The following CHST15 variants were observed in gnomAD, a reference collection of about 807,000 sequenced individuals.
CHST15 encodes the protein B cell RAG associated protein (GALNAC4S-6ST).
In CHST15, 30 loss-of-function variants were observed where a neutral mutation model predicts 53.6. The observed-to-expected ratio is 0.56, with a 90% CI of 0.42 to 0.76. The LOEUF is 0.76. Among genes scored for constraint, CHST15 ranks in the 30% least tolerant of loss-of-function variants. CHST15 has a pLI of 0.00. For missense variants in CHST15, 627 were observed against 740.5 expected (o/e 0.85, Z 1.78); for synonymous variants, 296 against 289.8 (o/e 1.02, Z -0.22).
Position 124,010,212 on chromosome 10 carries a change from C to G in CHST15, c.1623G>C (p.Arg541Ser), listed in dbSNP as rs61740008. 6.2e-7 allele frequency: 1 copy of G among 1,614,060 alleles called. No homozygotes were observed. Residue 541 changes from arginine to serine, a missense_variant, in exon 8 of 8, where the codon AGG becomes AGC. Physicochemically the swap from Arg to Ser is moderately radical, Grantham distance 110 (BLOSUM62 -1). This residue lies in a region of CHST15 where 279 missense variants were observed against 371.6 expected (regional missense o/e 0.75). Coordinates refer to ENST00000435907, the MANE Select transcript of CHST15 (RefSeq NM_001270764.2). ...ITQKILRDFY[R>S]PFNARLAQVL... ...CCTGCGCCAGCCTAGCGTTGAAGGG[C>G]CTGTAGAAATCCCGCAGAATCTTCT...
rs1299186980 is a variant in CHST15 at position 124,044,801 on chromosome 10, G to A, written c.665C>T (p.Ser222Phe). 2.5e-6 allele frequency: 4 copies of A among 1,605,080 alleles called. No individual in the cohort carries two copies. The highest frequency in any genetic ancestry group is 2.7e-5 in the African/African-American group (2 of 74,678). Residue 222 changes from serine (S) to phenylalanine (F), a missense_variant, in exon 3 of 8, where the codon TCC becomes TTC. By Grantham distance (155) the Ser-to-Phe change is radical. This residue lies in a region of CHST15 where 161 missense variants were observed against 117.2 expected (regional missense o/e 1.37). Coordinates refer to ENST00000435907, the MANE Select transcript of CHST15 (RefSeq NM_001270764.2). ...GTCGAAGGTGGAGCGGAAGCGCTTG[G>A]AGTAGAGCACGTAGGAGTTGGTGAG... ...PYLTNSYVLY[S>F]KRFRSTFDAL...
rs376174591 is a variant in CHST15, at chr10:124,008,344, TACACAC to T, written c.*1799_*1804del. ...AGACGCACTCACCCACACGTGCGCG[TACACAC>T]ACACACACGCGCGCACTGTACTGCA... On this transcript the variant is annotated 3_prime_UTR_variant, in exon 8 of 8. Transcript: ENST00000435907. 9.5e-7 allele frequency: 1 copy of T among 1,054,542 alleles called. No homozygotes were observed. 65.3% of individuals were successfully genotyped at this position (1,054,542 alleles called of 1,614,324 possible). A position where few individuals can be genotyped will look rare whatever the true frequency, so the allele number is the denominator to read the frequency against.
chr10:124,015,766 G>T (rs1946566220), intron 6 of CHST15, among the ~76,000 whole-genome samples: 1 of 152,256 alleles, frequency 6.6e-6, no homozygotes, highest in African/African-American at 2.4e-5. Context: ...ATCTCATGGA[G>T]ACAGAGCTCA....
chr10:124,038,355 C>T (rs374461429), intron 5 of CHST15, among the ~76,000 whole-genome samples, 160 bp downstream of exon 5: 1 of 152,142 alleles, frequency 6.6e-6, no homozygotes, highest in African/African-American at 2.4e-5. Context: ...ATCCACCCAC[C>T]CCGGCCTCCC....
chr10:124,034,704 A>G (rs1947368246), intron 5 of CHST15, among the ~76,000 whole-genome samples: 1 of 137,782 alleles, frequency 7.3e-6, no homozygotes, highest in Non-Finnish European at 1.6e-5. Context: ...TCCACCCCCT[A>G]ACAGGGACCC....
At position 124,009,698 on chromosome 10, in the gene CHST15, C is replaced by A; in HGVS notation, c.*451G>T. ...AGACAGTCTGTGCAACACGGCGAGA[C>A]CCCATCTCTAGGGGGAAAAAAAGGG... On this transcript the variant is annotated 3_prime_UTR_variant, in exon 8 of 8. Coordinates refer to ENST00000435907, the MANE Select transcript of CHST15 (RefSeq NM_001270764.2). 1 of 1,021,588 alleles carries A rather than the reference C, an allele frequency of 9.8e-7. No individual in the cohort carries two copies. 63.3% of individuals were successfully genotyped at this position (1,021,588 alleles called of 1,614,324 possible).
At chr10:124,044,429 C>T in intron 3 of CHST15, 151 bp downstream of exon 3, 1 of 631,316 alleles carries the variant, frequency 1.6e-6, no homozygotes, top group Non-Finnish European at 2.6e-6. Context: ...CCAGACCCTG[C>T]TGGGTCTTTG....
chr10:124,065,089 A>T (rs1046429054), intron 1 of CHST15, among the ~76,000 whole-genome samples: 2 of 152,218 alleles, frequency 1.3e-5, no homozygotes, highest in African/African-American at 4.8e-5. Context: ...GCGGGGGTTA[A>T]ATTTAAAATT....
At position 124,080,400 on chromosome 10, in the gene CHST15, C is replaced by T. The variant is rs149201170; in HGVS notation, c.-513+13069G>A. 1.4e-4 allele frequency among the ~76,000 whole-genome samples: 22 copies of T among 152,322 alleles called. 1 individual carries two copies. The East Asian group carries it at 4.2e-3, about 29-fold the overall frequency. On this transcript the variant is annotated intron_variant, in intron 1 of 7. Coordinates refer to ENST00000435907, the MANE Select transcript of CHST15 (RefSeq NM_001270764.2). ...TGTCACCTTTGTGGAAAGGCCTTTC[C>T]CGCACACCAGCTGGTCACTCCAGCA...
At chr10:124,045,129 A>AAAAAAAAAAAAAAAAAC (rs1947936064) in intron 2 of CHST15, among the ~76,000 whole-genome samples, 1 of 148,184 alleles carries the variant, frequency 6.7e-6, no homozygotes, top group African/African-American at 2.5e-5. Flanking sequence ...AAAAAAAAAA[A>AAAAAAAAAAAAAAAAAC]AAAAAAAAAA....
intron 1 of CHST15, among the ~76,000 whole-genome samples, chr10:124,056,269 C>G (rs1219771422): frequency 2.0e-5 from 3 of 152,176 alleles, no homozygotes; most frequent in Admixed American, 2.0e-4. Context: ...TACAGATTTG[C>G]AGTCTCACCC....
chr10:124,089,938 A>G (rs1949556848), intron 1 of CHST15, among the ~76,000 whole-genome samples: 1 of 152,224 alleles, frequency 6.6e-6, no homozygotes, highest in East Asian at 1.9e-4. Context: ...ATGACTTTCT[A>G]CATCATGGCA....
intron 6 of CHST15, chr10:124,020,453 C>A (rs1946733643): frequency 2.0e-6 from 2 of 985,416 alleles, no homozygotes; most frequent in Non-Finnish European, 2.4e-6. Context: ...GCTGCCCCTG[C>A]ATGCTGCCTC....
At chr10:124,050,235 G>A (rs942193926) in intron 1 of CHST15, among the ~76,000 whole-genome samples, 2 of 152,288 alleles carry the variant, frequency 1.3e-5, no homozygotes, top group African/African-American at 4.8e-5. Flanking sequence ...TGACGGGCGC[G>A]AGTGGTGCAG....
At position 124,029,501 on chromosome 10, in the gene CHST15, C is replaced by T. The variant is rs554754481; in HGVS notation, c.1191-8089G>A. On this transcript the variant is annotated intron_variant, in intron 5 of 7. Transcript: ENST00000435907. ...GGTTCCCAGCCCCTCTTTGTTCCTT[C>T]CAGAGCATCCAATCACAGGGCCCCG... 3.3e-5 allele frequency among the ~76,000 whole-genome samples: 5 copies of T among 152,324 alleles called. No individual in the cohort carries two copies. In the South Asian group the frequency reaches 6.2e-4, roughly 19 times the overall value.
chr10:124,033,248 T>C (rs1947297326), intron 5 of CHST15, among the ~76,000 whole-genome samples: 1 of 152,238 alleles, frequency 6.6e-6, no homozygotes, highest in Non-Finnish European at 1.5e-5. Flanking sequence ...GAAATTCCTA[T>C]TGTTACTTAT....
chr10:124,080,369 C>T (rs1373449907), intron 1 of CHST15, among the ~76,000 whole-genome samples: 1 of 152,226 alleles, frequency 6.6e-6, no homozygotes, highest in Admixed American at 6.5e-5. Context: ...CAAGAATCAA[C>T]GGAGATGTCA....
intron 7 of CHST15, among the ~76,000 whole-genome samples, 199 bp downstream of exon 7, chr10:124,012,134 C>T (rs1946434118): frequency 6.6e-6 from 1 of 152,192 alleles, no homozygotes; most frequent in Non-Finnish European, 1.5e-5. Context: ...GAATCCCTCA[C>T]CATACTGTGC....
rs138800721 is a variant in CHST15, at chr10:124,047,412, A to C, written c.-512-688T>G. Among the ~76,000 whole-genome samples, 964 of 152,370 alleles carry C rather than the reference A, an allele frequency of 6.3e-3. 8 individuals carry two copies. Among genetic ancestry groups the C allele is most frequent in the African/African-American group, 0.022 (929 of 41,588 alleles). On this transcript the variant is annotated intron_variant, in intron 1 of 7. Transcript: ENST00000435907. ...CCCTCGAGTGACACAGAGCTTCAGA[A>C]CCTGACATAATTTTTCACTTTCATC...
Sources: allele counts gnomAD v4.1 joint callset (sites outside exome capture counted in the v4.1 genomes callset), GRCh38; gene constraint gnomAD v4.1.1; regional missense constraint gnomAD v4.1.1; transcripts MANE v1.5; gene names NCBI Gene and HGNC (gene_info 2026-07-23, HGNC 2026-07-21).